The following TBC1D8B variants were observed in gnomAD, a reference collection of about 807,000 sequenced individuals.
The protein encoded by TBC1D8B is TBC1 domain family member 8B.
A neutral mutation model predicts 82.9 loss-of-function variants in TBC1D8B; 75 were observed. The ratio of observed to expected loss-of-function variants is 0.90; its 90% CI spans 0.75 to 1.10. The LOEUF (loss-of-function observed/expected upper bound fraction) is 1.10, where lower values mean the gene tolerates loss of function less well. Ranked by LOEUF, TBC1D8B falls within the 50% of genes least tolerant of loss-of-function variation. TBC1D8B has a pLI of 0.00. For missense variants in TBC1D8B, 794 were observed against 796.9 expected (o/e 1.00, Z 0.04); for synonymous variants, 276 against 276.8 (o/e 1.00, Z 0.03).
intron 20 of TBC1D8B, among the ~76,000 whole-genome samples, 187 bp from the exon 21 acceptor site, chrX:106,873,383 C>T (rs1264506643): frequency 7.1e-5 from 8 of 111,987 alleles, no homozygotes; most frequent in South Asian, 3.8e-4. Flanking sequence ...CATGTGCCAC[C>T]GCGCCTGGCC....
chrX:106,868,518 C>T lies in TBC1D8B; in HGVS notation c.2812+42C>T. 3 of 874,285 alleles carry T rather than the reference C, an allele frequency of 3.4e-6. No homozygotes were observed. The Middle Eastern group carries it at 9.3e-4, about 271-fold the overall frequency. 72.1% of individuals were successfully genotyped at this position (874,285 alleles called of 1,213,427 possible). A position where few individuals can be genotyped will look rare whatever the true frequency, so the allele number is the denominator to read the frequency against. On this transcript the variant is annotated intron_variant, in intron 18 of 20. Coordinates refer to ENST00000357242, the MANE Select transcript of TBC1D8B (RefSeq NM_017752.3). ...AATGTTAACTGTTTTGATGATTAGC[C>T]ACCCATAAAGATCTTGCTGACTTAG...
At position 106,866,869 on chromosome X, in the gene TBC1D8B, G is replaced by C; in HGVS notation, c.2728+7G>C. The C allele has an allele frequency of 8.7e-7, 1 of 1,154,109 alleles. No homozygotes were observed. Among genetic ancestry groups the C allele is most frequent in the Non-Finnish European group, 1.2e-6 (1 of 858,102 alleles). On this transcript the variant is annotated splice_region_variant and intron_variant, in intron 17 of 20. Coordinates refer to ENST00000357242, the MANE Select transcript of TBC1D8B (RefSeq NM_017752.3). ...AAGCTACATATTCCTCCAGGTAAGA[G>C]TTTACCAGTCTTTAACGATGTACAG...
rs1230277700 is a variant in TBC1D8B at position 106,802,874 on chromosome X, A to G, written c.21A>G (p.Glu7=). MWLKPE[E]VLLKNALKLW... ...TCGCGATGTGGCTGAAGCCTGAGGA[A>G]GTGCTTCTGAAAAATGCGCTGAAGC... is the stretch of plus-strand genomic sequence containing the variant. Residue 7 remains glutamate, a synonymous_variant, in exon 1 of 21, where the codon GAA becomes GAG. Coordinates refer to ENST00000357242, the MANE Select transcript of TBC1D8B (RefSeq NM_017752.3). 5 of 1,210,934 alleles carry G rather than the reference A, an allele frequency of 4.1e-6. No homozygotes were observed. Among genetic ancestry groups the G allele is most frequent in the Non-Finnish European group, 4.5e-6 (4 of 895,153 alleles).
At chrX:106,807,570 A>C in intron 1 of TBC1D8B, among the ~76,000 whole-genome samples, 1 of 109,690 alleles carries the variant, frequency 9.1e-6, no homozygotes, top group Non-Finnish European at 1.9e-5. Flanking sequence ...ACAAGACTGA[A>C]AAGTCATGAC....
intron 7 of TBC1D8B, among the ~76,000 whole-genome samples, chrX:106,834,936 C>A (rs1446368448): frequency 1.8e-5 from 2 of 112,009 alleles, no homozygotes; most frequent in Non-Finnish European, 3.8e-5. Flanking sequence ...ATGCCTGCAG[C>A]TTTTCCAAGT....
In TBC1D8B at chrX:106,866,047, T is replaced by A; in HGVS notation, c.2662+14T>A. The A allele has an allele frequency of 8.4e-7, 1 of 1,184,701 alleles. No individual in the cohort carries two copies. The highest frequency in any genetic ancestry group is 2.5e-5 in the Admixed American group (1 of 40,151). On this transcript the variant is annotated intron_variant, in intron 16 of 20. Transcript: ENST00000357242. ...CCTCTGCAATTGGTAAGATGATTTT[T>A]TTAAGCAAAAAAAAAAGGTGCTCCT...
chrX:106,856,092 T>C (rs1192149308), intron 14 of TBC1D8B, among the ~76,000 whole-genome samples: 1 of 112,403 alleles, frequency 8.9e-6, no homozygotes, highest in Non-Finnish European at 1.9e-5. Context: ...ATAGATCAAA[T>C]ACTTTTAAGG....
rs746771998 is a variant in TBC1D8B at position 106,820,436 on chromosome X, C to T, written c.242-441C>T. 3.6e-5 allele frequency among the ~76,000 whole-genome samples: 4 copies of T among 111,452 alleles called. No individual in the cohort carries two copies. In the Admixed American group the frequency reaches 3.8e-4, roughly 11 times the overall value. On this transcript the variant is annotated intron_variant, in intron 2 of 20. Transcript: ENST00000357242. Reference sequence around the variant, plus strand: ...ACAGTTAAAATCTACATTTACTTAGCATGCATAGGATTGTCACATACATGC... The same window carrying T: ...ACAGTTAAAATCTACATTTACTTAGTATGCATAGGATTGTCACATACATGC...
At chrX:106,860,217 T>A (rs986823447) in intron 14 of TBC1D8B, among the ~76,000 whole-genome samples, 4 of 111,015 alleles carry the variant, frequency 3.6e-5, no homozygotes, top group Non-Finnish European at 7.5e-5. Flanking sequence ...AAAGAATGCG[T>A]TAAGGAGGAG....
In TBC1D8B at chrX:106,823,798, T is replaced by C. The variant is rs765887653; in HGVS notation, c.827+332T>C. On this transcript the variant is annotated intron_variant, in intron 5 of 20. Coordinates refer to ENST00000357242, the MANE Select transcript of TBC1D8B (RefSeq NM_017752.3). Reference sequence around the variant, plus strand: ...ACTCTAAATTTCTCTATGAATAGTCTAGACAGTTTGGGTCTGAAATTGTTA... The same window carrying C: ...ACTCTAAATTTCTCTATGAATAGTCCAGACAGTTTGGGTCTGAAATTGTTA... 9.2e-4 allele frequency among the ~76,000 whole-genome samples: 103 copies of C among 112,158 alleles called. 2 individuals carry two copies. Among genetic ancestry groups the C allele is most frequent in the African/African-American group, 3.2e-3 (99 of 30,982 alleles).
chrX:106,836,132 C>T (rs1932169447), intron 7 of TBC1D8B, among the ~76,000 whole-genome samples: 1 of 111,869 alleles, frequency 8.9e-6, no homozygotes, highest in Non-Finnish European at 1.9e-5. Flanking sequence ...TTAATTGACT[C>T]ACAATTCCAC....
chrX:106,859,643 A>G (rs1393674448), intron 14 of TBC1D8B, among the ~76,000 whole-genome samples: 7 of 111,772 alleles, frequency 6.3e-5, no homozygotes, highest in Non-Finnish European at 1.1e-4. Flanking sequence ...ATCTGCAAAT[A>G]GAAATAGTTT....
intron 20 of TBC1D8B, 96 bp downstream of exon 20, chrX:106,870,909 G>C (rs1247777478): frequency 3.9e-6 from 2 of 510,743 alleles, no homozygotes; most frequent in Non-Finnish European, 6.3e-6. Flanking sequence ...TCCCAAAATA[G>C]TTAAATAATC....
At position 106,823,375 on chromosome X, in the gene TBC1D8B, C is replaced by T. The variant is rs1364455889; in HGVS notation, c.736C>T (p.Gln246Ter). 1.7e-6 allele frequency: 2 copies of T among 1,208,722 alleles called. No homozygotes were observed. Among genetic ancestry groups the T allele is most frequent in the Non-Finnish European group, 2.2e-6 (2 of 894,387 alleles). Residue 246 changes from glutamine (Q) to a stop codon, truncating the protein, a stop_gained, in exon 5 of 21, where the codon CAG becomes TAG. Coordinates refer to ENST00000357242, the MANE Select transcript of TBC1D8B (RefSeq NM_017752.3). LOFTEE classifies it high-confidence loss of function. The part of the protein sequence containing the change: ...HINQTYLLME[Q>*]LANYAIRRLF... ...TAACCAAACATACCTTCTTATGGAACAGCTGGCAAACTATGCCATTAGAAG... is the reference window on the plus strand; with the variant it reads ...TAACCAAACATACCTTCTTATGGAATAGCTGGCAAACTATGCCATTAGAAG...
intron 14 of TBC1D8B, among the ~76,000 whole-genome samples, chrX:106,859,226 T>C (rs1210651436): frequency 8.9e-6 from 1 of 112,116 alleles, no homozygotes; most frequent in Non-Finnish European, 1.9e-5. Context: ...TCTAGAATAG[T>C]TTTTTCTAAT....
At chrX:106,870,584 A>G (rs1356010121) in intron 19 of TBC1D8B, 132 bp from the exon 20 acceptor site, 1 of 438,534 alleles carries the variant, frequency 2.3e-6, no homozygotes, top group Non-Finnish European at 3.9e-6. Flanking sequence ...GTAATTTCAG[A>G]TCATTTCCTG....
Position 106,865,423 on chromosome X carries a change from CTT to C in TBC1D8B, c.2353-132_2353-131del, listed in dbSNP as rs1379315976. 4 of 327,926 alleles carry C rather than the reference CTT, an allele frequency of 1.2e-5. No homozygotes were observed. In the Admixed American group the frequency reaches 2.3e-4, roughly 19 times the overall value. The allele number at this position is 327,926 out of a possible 1,213,427, so 27.0% of individuals were successfully genotyped here. A position where few individuals can be genotyped will look rare whatever the true frequency, so the allele number is the denominator to read the frequency against. On this transcript the variant is annotated intron_variant, in intron 14 of 20. Coordinates refer to ENST00000357242, the MANE Select transcript of TBC1D8B (RefSeq NM_017752.3). ...TTTATAATATAATAACTTATAATAA[CTT>C]TTTATTATTCATTTAAGAAGTTAAA...
intron 14 of TBC1D8B, among the ~76,000 whole-genome samples, chrX:106,865,339 A>G (rs995815385): frequency 1.8e-5 from 2 of 112,441 alleles, no homozygotes; most frequent in African/African-American, 6.5e-5. Flanking sequence ...CAAAGTACAT[A>G]TTAGAGTAGA....
At chrX:106,867,792 C>T (rs1218702508) in intron 17 of TBC1D8B, among the ~76,000 whole-genome samples, 1 of 111,403 alleles carries the variant, frequency 9.0e-6, no homozygotes, top group African/African-American at 3.3e-5. Flanking sequence ...AGGTAAAGGC[C>T]ATCTTTAACC....
Sources: gnomAD v4.1 joint callset for allele counts (sites outside exome capture counted in the v4.1 genomes callset) on GRCh38, gnomAD v4.1.1 for gene constraint, MANE v1.5 for transcripts, NCBI Gene and HGNC (gene_info 2026-07-23, HGNC 2026-07-21) for gene names.